Variants in RAD54L2 observed in about 807,000 individuals in gnomAD.
RAD54L2 encodes the protein helicase ARIP4.
Under a neutral mutation model 138.4 loss-of-function variants are expected in RAD54L2, and 27 were observed. That is an observed-to-expected ratio of 0.20 (90% CI 0.14 to 0.27). The LOEUF (loss-of-function observed/expected upper bound fraction) is 0.27, where lower values mean the gene tolerates loss of function less well. RAD54L2 is among the 10% of genes least tolerant of loss of function. The probability of loss-of-function intolerance (pLI) is 1.00; values close to 1 mark genes in which losing one functional copy is unlikely to be tolerated. For missense variants in RAD54L2, 1,396 were observed against 1,890.2 expected (o/e 0.74, Z 4.85); for synonymous variants, 644 against 723.2 (o/e 0.89, Z 1.76).
rs532987055 is a variant in RAD54L2 at position 51,664,174 on chromosome 3, G to C, written c.*754G>C. On this transcript the variant is annotated 3_prime_UTR_variant, in exon 23 of 23. Transcript: ENST00000684192. ...TTCCTTCGGGATGGGTGAAGAGAAG[G>C]CCCAGCTAACTCAAGTCCCTGGTAT... 6.6e-6 allele frequency: 1 copy of C among 152,162 alleles called. No individual in the cohort carries two copies. The highest frequency in any genetic ancestry group is 2.4e-5 in the African/African-American group (1 of 41,448). The allele number at this position is 152,162 out of a possible 1,614,324, so 9.4% of individuals were successfully genotyped here.
At chr3:51,542,739 A>C (rs543908607) in intron 2 of RAD54L2, among the ~76,000 whole-genome samples, 1 of 152,294 alleles carries the variant, frequency 6.6e-6, no homozygotes, top group Non-Finnish European at 1.5e-5. Context: ...CTGGGGTTAC[A>C]GGTGTGAGCC....
chr3:51,628,051 C>T (rs1182934662), intron 4 of RAD54L2, among the ~76,000 whole-genome samples: 2 of 152,068 alleles, frequency 1.3e-5, no homozygotes, highest in African/African-American at 4.8e-5. Flanking sequence ...CTGGACTTTC[C>T]GGTTTTTCCT....
chr3:51,643,852 T>TA (rs1383222681), intron 15 of RAD54L2, 23 bp from the exon 16 acceptor site: 1 of 1,555,214 alleles, frequency 6.4e-7, no homozygotes, highest in East Asian at 2.3e-5. Flanking sequence ...TATCCACTGC[T>TA]TATGGTTTTC....
intron 2 of RAD54L2, among the ~76,000 whole-genome samples, chr3:51,552,363 T>C (rs1698859547): frequency 6.6e-6 from 1 of 150,994 alleles, no homozygotes; most frequent in African/African-American, 2.4e-5. Flanking sequence ...CCCGGGTTCA[T>C]GCCATTCTCC....
In RAD54L2 at chr3:51,667,010, T is replaced by A. The variant is rs1701925089; in HGVS notation, c.*3590T>A. The A allele has an allele frequency of 6.6e-6, 1 of 152,194 alleles. No individual in the cohort carries two copies. Among genetic ancestry groups the A allele is most frequent in the Non-Finnish European group, 1.5e-5 (1 of 68,042 alleles). The allele number at this position is 152,194 out of a possible 1,614,324, so 9.4% of individuals were successfully genotyped here. A position where few individuals can be genotyped will look rare whatever the true frequency, so the allele number is the denominator to read the frequency against. On this transcript the variant is annotated 3_prime_UTR_variant, in exon 23 of 23. Transcript: ENST00000684192. ...AACTTAAGTGGCCTGGGTAGGACCATCACTCCCAAAGTTGTCAGCAGAGAA... is the reference window on the plus strand; with the variant it reads ...AACTTAAGTGGCCTGGGTAGGACCAACACTCCCAAAGTTGTCAGCAGAGAA...
chr3:51,575,523 T>C (rs536296677), intron 2 of RAD54L2, among the ~76,000 whole-genome samples: 118 of 152,306 alleles, frequency 7.7e-4, no homozygotes, highest in African/African-American at 2.6e-3. Context: ...TTATATTTCA[T>C]TGAGCAGTGG....
chr3:51,643,326 C>T (rs1044723442), intron 15 of RAD54L2, among the ~76,000 whole-genome samples: 1 of 152,260 alleles, frequency 6.6e-6, no homozygotes, highest in Non-Finnish European at 1.5e-5. Context: ...AGCCACTGTG[C>T]CCGGCCCTAA....
At chr3:51,584,630 C>CTATA (rs139603411) in intron 2 of RAD54L2, among the ~76,000 whole-genome samples, 196 of 139,988 alleles carry the variant, frequency 1.4e-3, no homozygotes, top group African/African-American at 4.3e-3. Context: ...CTCTACAGTA[C>CTATA]TATATATATA....
intron 13 of RAD54L2, 56 bp downstream of exon 13, chr3:51,639,726 A>C (rs1701079553): frequency 6.3e-7 from 1 of 1,596,052 alleles, no homozygotes. Flanking sequence ...GGGATGGTGC[A>C]AGCCCTGCCT....
chr3:51,570,206 C>T (rs971756225), intron 2 of RAD54L2, among the ~76,000 whole-genome samples: 6 of 143,786 alleles, frequency 4.2e-5, no homozygotes, highest in East Asian at 4.0e-4. Flanking sequence ...TGCAGTGGCG[C>T]GATCTCAGCT....
chr3:51,589,563 A>G (rs1699789917), intron 2 of RAD54L2, among the ~76,000 whole-genome samples: 1 of 152,030 alleles, frequency 6.6e-6, no homozygotes, highest in Non-Finnish European at 1.5e-5. Flanking sequence ...TCCATATGTC[A>G]CTAGCCTGGG....
At chr3:51,660,194 T>C in intron 22 of RAD54L2, 76 bp downstream of exon 22, 1 of 1,134,212 alleles carries the variant, frequency 8.8e-7, no homozygotes, top group Non-Finnish European at 1.3e-6. Flanking sequence ...TATTAACTTA[T>C]TATGTGAATA....
rs747968751 is a variant in RAD54L2 at position 51,660,068 on chromosome 3, G to A, written c.3359G>A (p.Arg1120Gln). ...AGTGATGGACGGATCTTTGCTGTCC[G>A]GGCAACTGGCAAACCAAAGGTTCCT... ...RTSDGRIFAV[R>Q]ATGKPKVPED... Residue 1120 changes from arginine (R) to glutamine (Q), a missense_variant, in exon 22 of 23, where the codon CGG becomes CAG. This residue lies in a region of RAD54L2 where 634 missense variants were observed against 711.2 expected (regional missense o/e 0.89). Coordinates refer to ENST00000684192, the MANE Select transcript of RAD54L2 (RefSeq NM_015106.4). 2.5e-6 allele frequency: 4 copies of A among 1,600,028 alleles called. No individual in the cohort carries two copies. The highest frequency in any genetic ancestry group is 1.3e-5 in the African/African-American group (1 of 74,778).
In RAD54L2 at chr3:51,599,761, A is replaced by G. The variant is rs866502215; in HGVS notation, c.139+9202A>G. Among the ~76,000 whole-genome samples the G allele has an allele frequency of 3.7e-3, 468 of 126,734 alleles. 4 individuals carry two copies. In the Middle Eastern group the frequency reaches 0.044, roughly 12 times the overall value. 83.1% of individuals were successfully genotyped at this position (126,734 alleles called of 152,430 possible). A position where few individuals can be genotyped will look rare whatever the true frequency, so the allele number is the denominator to read the frequency against. On this transcript the variant is annotated intron_variant, in intron 3 of 22. Transcript: ENST00000684192. ...ATTTTTTACCAAAAAAAAAAAAAAA[A>G]GGGCAAAAACCGCGATTACTTTTGC...
At chr3:51,592,459 T>G (rs72951489) in intron 3 of RAD54L2, among the ~76,000 whole-genome samples, 3,063 of 152,262 alleles carry the variant, frequency 0.02, 105 homozygotes, top group African/African-American at 0.07. Flanking sequence ...TGCTGTGCTC[T>G]GCTAGGTTAA....
Position 51,583,045 on chromosome 3 carries a change from A to G in RAD54L2, c.-54-7322A>G, listed in dbSNP as rs369579540. Among the ~76,000 whole-genome samples, 22 of 152,252 alleles carry G rather than the reference A, an allele frequency of 1.4e-4. No homozygotes were observed. In the East Asian group the frequency reaches 2.9e-3, roughly 20 times the overall value. On this transcript the variant is annotated intron_variant, in intron 2 of 22. Transcript: ENST00000684192. ...CTCCCAAAGTGCTAGGATTACAGGC[A>G]TGAGCCACCATGCCCGGCCAAGAAT...
chr3:51,630,254 C>T lies in RAD54L2; in HGVS notation c.482-18C>T. The T allele has an allele frequency of 6.2e-7, 1 of 1,602,518 alleles. No homozygotes were observed. Among genetic ancestry groups the T allele is most frequent in the Non-Finnish European group, 8.6e-7 (1 of 1,169,434 alleles). On this transcript the variant is annotated intron_variant, in intron 5 of 22. Coordinates refer to ENST00000684192, the MANE Select transcript of RAD54L2 (RefSeq NM_015106.4). ...AATGTGGTCTTGACACCGTTCCCTT[C>T]CATTTTGCTTTTCCTAGAGGAAATT...
At chr3:51,626,232 TTGTGTAGTGCC>T (rs1176666758) in intron 3 of RAD54L2, among the ~76,000 whole-genome samples, 1 of 151,878 alleles carries the variant, frequency 6.6e-6, no homozygotes, top group African/African-American at 2.4e-5. Context: ...GACCTTTTGG[TTGTGTAGTGCC>T]TGTGTCTGGG....
At chr3:51,636,516 T>C (rs1700986066) in intron 10 of RAD54L2, among the ~76,000 whole-genome samples, 1 of 152,258 alleles carries the variant, frequency 6.6e-6, no homozygotes, top group African/African-American at 2.4e-5. Flanking sequence ...GTCTGGATTA[T>C]TCCTATTGGT....
Sources: allele counts gnomAD v4.1 joint callset (sites outside exome capture counted in the v4.1 genomes callset), GRCh38; gene constraint gnomAD v4.1.1; regional missense constraint gnomAD v4.1.1; transcripts MANE v1.5; gene names NCBI Gene and HGNC (gene_info 2026-07-23, HGNC 2026-07-21).